VPS13C: variants seen among roughly 807,000 people sequenced by gnomAD.
The protein encoded by VPS13C is intermembrane lipid transfer protein VPS13C.
A neutral mutation model predicts 456.8 loss-of-function variants in VPS13C; 358 were observed. The observed-to-expected ratio is 0.78, with a 90% CI of 0.72 to 0.86. The LOEUF is 0.86. VPS13C is among the 40% of genes least tolerant of loss of function. The pLI is 0.00. For missense variants in VPS13C, 4,818 were observed against 4,385.4 expected, an observed-to-expected ratio of 1.10 and a Z score of -2.79; for synonymous variants, 1,578 against 1,486.7, an observed-to-expected ratio of 1.06 and a Z score of -1.41.
At chr15:62,055,492 C>T (rs1440539605) in intron 1 of VPS13C, among the ~76,000 whole-genome samples, 2 of 151,122 alleles carry the variant, frequency 1.3e-5, no homozygotes, top group South Asian at 2.1e-4. Context: ...CTGCCTGCCT[C>T]GGCCTCCCAA....
chr15:61,938,002 A>G (rs536432246), intron 47 of VPS13C, among the ~76,000 whole-genome samples: 2 of 152,290 alleles, frequency 1.3e-5, no homozygotes, highest in East Asian at 3.9e-4. Context: ...TCCTCTGAAT[A>G]CCACAGTACC....
rs772841405 is a variant in VPS13C, at chr15:61,945,777, G to C, written c.5086C>G (p.Leu1696Val). Residue 1696 changes from leucine (L) to valine (V), a missense_variant, in exon 45 of 85, where the codon CTT becomes GTT. Physicochemically the swap from Leu to Val is conservative, Grantham distance 32. Around this residue, in one of 3 missense-constraint regions of VPS13C, gnomAD observed 4,552 missense variants for 4,130.6 expected, o/e 1.10. Transcript: ENST00000644861. ...YADMSKVDGK[L>V]SFKVGCIQIV... ...TGAATACAACCCACTTTAAAACTAA[G>C]TTTGCCGTCTACTTTGGACATATCA... The C allele has an allele frequency of 6.2e-6, 10 of 1,610,876 alleles. No homozygotes were observed. Among genetic ancestry groups the C allele is most frequent in the African/African-American group, 1.3e-5 (1 of 74,722 alleles).
intron 1 of VPS13C, among the ~76,000 whole-genome samples, chr15:62,052,255 T>C (rs1365369854): frequency 6.6e-6 from 1 of 152,250 alleles, no homozygotes; most frequent in East Asian, 1.9e-4. Context: ...ATAAACATTA[T>C]TTAGTTGAAA....
intron 50 of VPS13C, among the ~76,000 whole-genome samples, chr15:61,930,466 T>C (rs1390791901): frequency 6.6e-6 from 1 of 151,998 alleles, no homozygotes; most frequent in Non-Finnish European, 1.5e-5. Context: ...TTCAATGGAG[T>C]CCAAGTTTAA....
Position 61,941,987 on chromosome 15 carries a change from G to A in VPS13C, c.5229C>T (p.Ser1743=). The change falls in exon 46 of 85, where the codon AGC becomes AGT. Residue 1743 remains serine (S), a synonymous_variant. Transcript: ENST00000644861. The part of the protein sequence containing the change: ...TVQAAERAAS[S]MKDLAQKSFR... ...AACTCTTTTGAGCCAAGTCTTTCAT[G>A]CTGGAAGCAGCTCTTTCTGCAGCCT... 6.2e-7 allele frequency: 1 copy of A among 1,613,964 alleles called. No individual in the cohort carries two copies.
chr15:61,930,123 C>T (rs1293959710), intron 50 of VPS13C, among the ~76,000 whole-genome samples: 1 of 152,086 alleles, frequency 6.6e-6, no homozygotes, highest in Non-Finnish European at 1.5e-5. Flanking sequence ...TAAAGGCAGC[C>T]TTTTAATATT....
At chr15:62,028,133 C>T (rs759452270) in intron 6 of VPS13C, among the ~76,000 whole-genome samples, 1 of 151,966 alleles carries the variant, frequency 6.6e-6, no homozygotes, top group Non-Finnish European at 1.5e-5. Context: ...CCACAAACAT[C>T]CAGCATCATC....
At chr15:62,006,515 T>C (rs1299711820) in intron 15 of VPS13C, among the ~76,000 whole-genome samples, 1 of 152,210 alleles carries the variant, frequency 6.6e-6, no homozygotes, top group Admixed American at 6.5e-5. Context: ...TGTTGGACAT[T>C]TGGATTGGTT....
intron 8 of VPS13C, among the ~76,000 whole-genome samples, chr15:62,022,417 T>C (rs1299518235): frequency 1.3e-5 from 2 of 152,026 alleles, no homozygotes; most frequent in East Asian, 1.9e-4. Context: ...TTTCTCGACA[T>C]AGGATTTTAA....
rs373840227 is a variant in VPS13C, at chr15:62,028,344, C to G, written c.448+14G>C. The G allele has an allele frequency of 1.2e-6, 2 of 1,612,374 alleles. No homozygotes were observed. Among genetic ancestry groups the G allele is most frequent in the East Asian group, 4.5e-5 (2 of 44,814 alleles). ...TGTTTATATAGTTGAATATAATTAA[C>G]CATGCATACCCACCAGGCTTGATGT... On this transcript the variant is annotated intron_variant, in intron 6 of 84. Coordinates refer to ENST00000644861, the MANE Select transcript of VPS13C (RefSeq NM_020821.3).
intron 42 of VPS13C, 85 bp from the exon 43 acceptor site, chr15:61,947,394 G>A: frequency 3.1e-6 from 3 of 962,062 alleles, no homozygotes; most frequent in Admixed American, 2.5e-5. Context: ...CAAAATAAAA[G>A]TACCCAATGT....
intron 77 of VPS13C, among the ~76,000 whole-genome samples, chr15:61,873,867 C>T (rs1895214461): frequency 6.6e-6 from 1 of 151,968 alleles, no homozygotes; most frequent in South Asian, 2.1e-4. Flanking sequence ...GATGTCTGCA[C>T]TCCCATGTTT....
chr15:61,920,812 C>G (rs554925369), intron 55 of VPS13C, among the ~76,000 whole-genome samples, 165 bp from the exon 56 acceptor site: 3 of 152,174 alleles, frequency 2.0e-5, no homozygotes, highest in South Asian at 4.1e-4. Context: ...TGGAGTTCAG[C>G]ATTCATTCTT....
In VPS13C at chr15:61,918,267, A is replaced by G. The variant is rs753053683; in HGVS notation, c.7639-10T>C. The G allele has an allele frequency of 6.9e-7, 1 of 1,453,622 alleles. No individual in the cohort carries two copies. The highest frequency in any genetic ancestry group is 9.2e-7 in the Non-Finnish European group (1 of 1,089,422). The allele number at this position is 1,453,622 out of a possible 1,614,324, so 90.0% of individuals were successfully genotyped here. ...AGAAATGGTTTTTGATCTGTTGGAC[A>G]AAAAAAAATACAAGTTTTTTAAAAG... On this transcript the variant is annotated splice_polypyrimidine_tract_variant and intron_variant, in intron 58 of 84. Coordinates refer to ENST00000644861, the MANE Select transcript of VPS13C (RefSeq NM_020821.3).
chr15:61,924,108 C>T (rs935123334), intron 53 of VPS13C, among the ~76,000 whole-genome samples: 3 of 151,846 alleles, frequency 2.0e-5, no homozygotes, highest in East Asian at 1.9e-4. Flanking sequence ...CCTCGTGATC[C>T]GCCCGCCTCG....
At chr15:61,881,654 T>TA (rs754758949) in intron 70 of VPS13C, 22 bp from the exon 71 acceptor site, 168 of 1,593,238 alleles carry the variant, frequency 1.1e-4, no homozygotes, top group South Asian at 4.2e-4. Flanking sequence ...AAGTAACACA[T>TA]AAAAAAAAAT....
intron 20 of VPS13C, 55 bp from the exon 21 acceptor site, chr15:61,982,628 T>G: frequency 7.7e-7 from 1 of 1,296,854 alleles, no homozygotes; most frequent in Non-Finnish European, 1.1e-6. Flanking sequence ...TTCCATATTG[T>G]AAACTTCAAA....
chr15:61,949,182 A>G (rs567410635), intron 42 of VPS13C, among the ~76,000 whole-genome samples: 2 of 152,366 alleles, frequency 1.3e-5, no homozygotes, highest in Admixed American at 1.3e-4. Context: ...ACATCAACAT[A>G]AAGTACATAC....
At chr15:61,871,504 T>C (rs1333133311) in intron 79 of VPS13C, among the ~76,000 whole-genome samples, 1 of 152,158 alleles carries the variant, frequency 6.6e-6, no homozygotes, top group Non-Finnish European at 1.5e-5. Context: ...TCTTAGTTAC[T>C]GTAGCTTTAC....
Sources: allele counts gnomAD v4.1 joint callset (sites outside exome capture counted in the v4.1 genomes callset), GRCh38; gene constraint gnomAD v4.1.1; regional missense constraint gnomAD v4.1.1; transcripts MANE v1.5; gene names NCBI Gene and HGNC (gene_info 2026-07-23, HGNC 2026-07-21).